CLK3: variants seen among roughly 807,000 people sequenced by gnomAD.
The protein encoded by CLK3 is dual specificity protein kinase CLK3.
CLK3 carries 24 observed loss-of-function variants against 65.2 expected under a neutral mutation model. The ratio of observed to expected loss-of-function variants is 0.37; its 90% CI spans 0.27 to 0.52. CLK3 has a LOEUF of 0.52. CLK3 is among the 20% of genes least tolerant of loss of function. The pLI is 0.92. For missense variants in CLK3, 506 were observed against 660.0 expected, an observed-to-expected ratio of 0.77 and a Z score of 2.56; for synonymous variants, 252 against 240.8, an observed-to-expected ratio of 1.05 and a Z score of -0.43.
Position 74,622,657 on chromosome 15 carries a change from T to C in CLK3, c.533+97T>C, listed in dbSNP as rs1379116929. On this transcript the variant is annotated intron_variant, in intron 5 of 12. Transcript: ENST00000395066. This position sits in a 1 kb window ranked among gnomAD's most constrained non-coding sequence, Gnocchi z 4.6. ...AGGGTGGCAGCTATCAGAGCTTAAC[T>C]TTTTTCTTTTTGAAGGGTGGCATCA... The C allele has an allele frequency of 1.1e-6, 1 of 952,224 alleles. No homozygotes were observed. The highest frequency in any genetic ancestry group is 1.7e-5 in the African/African-American group (1 of 60,398). The allele number at this position is 952,224 out of a possible 1,614,324, so 59.0% of individuals were successfully genotyped here.
chr15:74,609,002 T>C (rs2061949898), intron 1 of CLK3, among the ~76,000 whole-genome samples: 1 of 152,210 alleles, frequency 6.6e-6, no homozygotes, highest in African/African-American at 2.4e-5. Context: ...TAGCCAGGTG[T>C]GCTCTGCCTC....
chr15:74,625,789 C>T lies in CLK3; in HGVS notation c.651-13C>T. ...AGCACACAGCCTGAGCCCTGCCCATCCTCCTCCTCCAGCCTGTGTGTCTTG... is the reference window on the plus strand; with the variant it reads ...AGCACACAGCCTGAGCCCTGCCCATTCTCCTCCTCCAGCCTGTGTGTCTTG... On this transcript the variant is annotated splice_polypyrimidine_tract_variant and intron_variant, in intron 6 of 12. Transcript: ENST00000395066. 4 of 1,530,638 alleles carry T rather than the reference C, an allele frequency of 2.6e-6. No individual in the cohort carries two copies. The highest frequency in any genetic ancestry group is 3.6e-6 in the Non-Finnish European group (4 of 1,124,236). 94.8% of individuals were successfully genotyped at this position (1,530,638 alleles called of 1,614,324 possible).
upstream of CLK3, chr15:74,615,595 A>G: frequency 8.0e-7 from 1 of 1,257,240 alleles, no homozygotes; most frequent in Admixed American, 4.2e-5. Flanking sequence ...CGCACCTGTC[A>G]GGTCGGGGGA....
At chr15:74,626,397 T>C (rs2062143705) in intron 7 of CLK3, among the ~76,000 whole-genome samples, 1 of 152,230 alleles carries the variant, frequency 6.6e-6, no homozygotes, top group Non-Finnish European at 1.5e-5. Context: ...TATTTGGCAG[T>C]GCCAGGGCTC....
chr15:74,615,326 A>G (rs1321697310), upstream of CLK3: 1 of 945,702 alleles, frequency 1.1e-6, no homozygotes, highest in African/African-American at 1.7e-5. Context: ...CGGCTTTCAA[A>G]AAACCCGCAC....
rs920443187 is a variant in CLK3 at position 74,629,848 on chromosome 15, C to T, written c.1438C>T (p.Arg480Trp). 9 of 1,609,028 alleles carry T rather than the reference C, an allele frequency of 5.6e-6. No individual in the cohort carries two copies. Among genetic ancestry groups the T allele is most frequent in the Admixed American group, 1.7e-5 (1 of 59,330 alleles). ...CTTTGCTGGCCTGACCCCTGAGGAGCGGTCCTTCCACACCAGCCGCAACCC... is the reference window on the plus strand; with the variant it reads ...CTTTGCTGGCCTGACCCCTGAGGAGTGGTCCTTCCACACCAGCCGCAACCC... ...PFFAGLTPEE[R>W]SFHTSRNPSR The change falls in exon 13 of 13, where the codon CGG becomes TGG. Residue 480 changes from arginine to tryptophan, a missense_variant. Around this residue, in one of 2 missense-constraint regions of CLK3, gnomAD observed 325 missense variants for 500.5 expected, o/e 0.65. Transcript: ENST00000395066.
Position 74,622,487 on chromosome 15 carries a change from C to T in CLK3, c.467-7C>T, listed in dbSNP as rs780011029. The T allele has an allele frequency of 1.9e-6, 3 of 1,610,384 alleles. No individual in the cohort carries two copies. The highest frequency in any genetic ancestry group is 2.5e-6 in the Non-Finnish European group (3 of 1,178,272). ...GATTCTCATGCCCAATTTCTTTTCT[C>T]TCCTAGATGAGATTGTGGGGAACCT... On this transcript the variant is annotated splice_polypyrimidine_tract_variant and splice_region_variant and intron_variant, in intron 4 of 12. Transcript: ENST00000395066. The surrounding 1 kb of genome is among the most constrained non-coding windows in gnomAD (Gnocchi z 4.6).
intron 1 of CLK3, among the ~76,000 whole-genome samples, chr15:74,618,901 A>G (rs1567142255): frequency 6.6e-6 from 1 of 152,212 alleles, no homozygotes; most frequent in Admixed American, 6.5e-5. Flanking sequence ...ACCCAGGGTT[A>G]CTGCCTCAGC....
At chr15:74,614,683 G>C (rs966350888), upstream of CLK3, 2 of 152,198 alleles carry the variant, frequency 1.3e-5, no homozygotes, top group Non-Finnish European at 2.9e-5. Context: ...GCTCCCCTGC[G>C]ACACCTCCCC....
chr15:74,611,596 T>C (rs1405528697), upstream of CLK3, among the ~76,000 whole-genome samples: 1 of 152,246 alleles, frequency 6.6e-6, no homozygotes, highest in African/African-American at 2.4e-5. Context: ...TCGGGGGCCC[T>C]GTTGGAGCAC....
chr15:74,629,149 TGG>T lies in CLK3; in HGVS notation c.1296+119_1296+120del, dbSNP rs377076326. The T allele has an allele frequency of 2.1e-3, 1,752 of 821,220 alleles. 24 individuals are homozygous for T. The African/African-American group carries it at 0.026, about 12-fold the overall frequency. The allele number at this position is 821,220 out of a possible 1,614,324, so 50.9% of individuals were successfully genotyped here. A position where few individuals can be genotyped will look rare whatever the true frequency, so the allele number is the denominator to read the frequency against. On this transcript the variant is annotated intron_variant, in intron 12 of 12. Coordinates refer to ENST00000395066, the MANE Select transcript of CLK3 (RefSeq NM_001130028.2). ...AGGCTGCCTCCTTGATCCAGCTCTA[TGG>T]GAGGCGGCACCCAAGACTGCTGGGT...
upstream of CLK3, chr15:74,615,557 G>A (rs1466285597): frequency 1.1e-5 from 14 of 1,270,538 alleles, no homozygotes; most frequent in African/African-American, 4.6e-5. Context: ...CCACCTCTCG[G>A]CTCTGAGAGC....
chr15:74,614,340 GTCTCCTT>G (rs1772412669), upstream of CLK3, among the ~76,000 whole-genome samples: 1 of 152,052 alleles, frequency 6.6e-6, no homozygotes, highest in African/African-American at 2.4e-5. Context: ...TTGAGACAGG[GTCTCCTT>G]CTGTCGACCA....
chr15:74,629,587 T>G (rs1349322508), intron 12 of CLK3, 120 bp from the exon 13 acceptor site: 6 of 709,956 alleles, frequency 8.5e-6, no homozygotes, highest in African/African-American at 1.8e-5. Flanking sequence ...AGTAGAGTCC[T>G]CCAAGGAGGC....
chr15:74,627,635 A>G lies in CLK3; in HGVS notation c.1009A>G (p.Thr337Ala). Reference protein sequence around the residue: ...DHEHHTTIVATRHYRPPEVIL... With the variant: ...DHEHHTTIVAARHYRPPEVIL... ...TGAGCACCACACCACCATTGTGGCC[A>G]CCCGTCACTATCGCCCGCCTGAGGT... is the stretch of plus-strand genomic sequence containing the variant. Residue 337 changes from threonine to alanine, a missense_variant, in exon 9 of 13, where the codon ACC becomes GCC. By Grantham distance (58) the Thr-to-Ala change is moderately conservative (BLOSUM62 0). Transcript: ENST00000395066. The surrounding 1 kb of genome is among the most constrained non-coding windows in gnomAD (Gnocchi z 4.3). 1 of 1,613,920 alleles carries G rather than the reference A, an allele frequency of 6.2e-7. No individual in the cohort carries two copies. Among genetic ancestry groups the G allele is most frequent in the Non-Finnish European group, 8.5e-7 (1 of 1,180,026 alleles).
In CLK3 at chr15:74,619,995, C is replaced by T. The variant is rs752348186; in HGVS notation, c.153-14C>T. 2.5e-6 allele frequency: 4 copies of T among 1,613,974 alleles called. No homozygotes were observed. The highest frequency in any genetic ancestry group is 1.1e-5 in the South Asian group (1 of 91,088). ...GGACCCAGCTGACCAGCGTCCCCATCCCCCTTTTGGCAGCCATGACCGCCT... is the reference window on the plus strand; with the variant it reads ...GGACCCAGCTGACCAGCGTCCCCATTCCCCTTTTGGCAGCCATGACCGCCT... On this transcript the variant is annotated splice_polypyrimidine_tract_variant and intron_variant, in intron 2 of 12. Transcript: ENST00000395066.
At chr15:74,612,427 C>T (rs1361046440), upstream of CLK3, among the ~76,000 whole-genome samples, 1 of 152,110 alleles carries the variant, frequency 6.6e-6, no homozygotes, top group Non-Finnish European at 1.5e-5. Flanking sequence ...GCCATCCCTA[C>T]ACCCCTCACC....
At chr15:74,620,348 A>ATG (rs1346826206) in intron 3 of CLK3, 123 bp downstream of exon 3, 6 of 1,338,720 alleles carry the variant, frequency 4.5e-6, no homozygotes, top group East Asian at 4.7e-5. Flanking sequence ...GTGTGCGTGC[A>ATG]TGTGTGTGTG....
intron 1 of CLK3, 146 bp downstream of exon 1, chr15:74,616,044 C>T (rs1220573367): frequency 1.7e-6 from 1 of 576,448 alleles, no homozygotes; most frequent in African/African-American, 1.9e-5. Flanking sequence ...GACCTCTCAC[C>T]CCTGACCCGC....
Sources: gnomAD v4.1 joint callset for allele counts (sites outside exome capture counted in the v4.1 genomes callset) on GRCh38, gnomAD v4.1.1 for gene constraint, gnomAD v4.1.1 regional missense constraint, Gnocchi (gnomAD v3.1) non-coding constraint, MANE v1.5 for transcripts, NCBI Gene and HGNC (gene_info 2026-07-23, HGNC 2026-07-21) for gene names.